Variants in WDR35 observed in about 807,000 individuals in gnomAD.
WDR35 encodes the protein WD repeat-containing protein 35.
Under a neutral mutation model 158.3 loss-of-function variants are expected in WDR35, and 118 were observed. The ratio of observed to expected loss-of-function variants is 0.75; its 90% confidence interval spans 0.64 to 0.87. The LOEUF (loss-of-function observed/expected upper bound fraction) is 0.87. Ranked by LOEUF, WDR35 falls within the 40% of genes least tolerant of loss-of-function variation. WDR35 has a pLI of 0.00. For synonymous variants in WDR35, 448 were observed against 476.1 expected (o/e 0.94, Z 0.77); for missense variants, 1,263 against 1,405.8 (o/e 0.90, Z 1.62).
chr2:19,959,430 A>T (rs1448316055), intron 11 of WDR35, among the ~76,000 whole-genome samples: 2 of 152,080 alleles, frequency 1.3e-5, no homozygotes, highest in Non-Finnish European at 2.9e-5. Flanking sequence ...GTCTGTTAAT[A>T]ATTTTAAGCT....
chr2:19,978,235 G>A (rs931377922), intron 5 of WDR35, among the ~76,000 whole-genome samples: 1 of 151,940 alleles, frequency 6.6e-6, no homozygotes, highest in Non-Finnish European at 1.5e-5. Context: ...GAGCGAGAGA[G>A]AGAAATAAAA....
intron 25 of WDR35, among the ~76,000 whole-genome samples, chr2:19,928,580 T>A (rs558080289): frequency 1.3e-5 from 2 of 152,314 alleles, no homozygotes; most frequent in African/African-American, 4.8e-5. Flanking sequence ...ATAACTTAGA[T>A]GTTATAATAA....
chr2:19,986,707 T>TCC (rs144681585), intron 2 of WDR35, among the ~76,000 whole-genome samples: 12,876 of 152,156 alleles, frequency 0.085, 633 homozygotes, highest in East Asian at 0.23. Context: ...GGAGATGGGC[T>TCC]CCAGCAAAAC....
chr2:19,982,825 A>G (rs750654850), intron 2 of WDR35, among the ~76,000 whole-genome samples: 22 of 152,212 alleles, frequency 1.4e-4, no homozygotes, highest in Non-Finnish European at 2.5e-4. Flanking sequence ...AGAAATATTT[A>G]TGGCCTACAG....
At chr2:19,956,594 G>T (rs1671440830) in intron 11 of WDR35, among the ~76,000 whole-genome samples, 1 of 151,252 alleles carries the variant, frequency 6.6e-6, no homozygotes, top group South Asian at 2.1e-4. Flanking sequence ...ACAGTGCCTG[G>T]CATAGAGTAC....
At position 19,946,506 on chromosome 2, in the gene WDR35, G is replaced by C; in HGVS notation, c.1589C>G (p.Ser530Cys). 6.2e-7 allele frequency: 1 copy of C among 1,613,632 alleles called. No individual in the cohort carries two copies. The highest frequency in any genetic ancestry group is 1.3e-5 in the African/African-American group (1 of 75,014). ...TAACTGGTAGGCTCGACAATTAAGGGAATATTTTTGAATCAAACCAACATT... is the reference window on the plus strand; with the variant it reads ...TAACTGGTAGGCTCGACAATTAAGGCAATATTTTTGAATCAAACCAACATT... Reference protein sequence around the residue: ...LPNVGLIQKYSLNCRAYQLSL... With the variant: ...LPNVGLIQKYCLNCRAYQLSL... The change falls in exon 15 of 27, where the codon TCC becomes TGC. Residue 530 changes from serine to cysteine, a missense_variant. Physicochemically the swap from Ser to Cys is moderately radical, Grantham distance 112. Coordinates refer to ENST00000281405, the MANE Select transcript of WDR35 (RefSeq NM_020779.4).
rs369793891 is a variant in WDR35, at chr2:19,932,380, T to C, written c.2726A>G (p.Tyr909Cys). 2.8e-5 allele frequency: 45 copies of C among 1,613,248 alleles called. No homozygotes were observed. Among genetic ancestry groups the C allele is most frequent in the Non-Finnish European group, 3.7e-5 (44 of 1,179,566 alleles). The change falls in exon 23 of 27, where the codon TAT becomes TGT. Residue 909 changes from tyrosine (Y) to cysteine (C), a missense_variant. Tyr to Cys is a radical substitution (Grantham distance 194, BLOSUM62 -2). Coordinates refer to ENST00000281405, the MANE Select transcript of WDR35 (RefSeq NM_020779.4). ...ATTCTTTTCCAGTAAATGAGATGCA[T>C]ACCTAGCTAACAGAGATCCAATTTC... ...MKEIGSLLAR[Y>C]ASHLLEKNKT...
intron 25 of WDR35, among the ~76,000 whole-genome samples, chr2:19,917,769 T>C (rs1417352712): frequency 2.0e-5 from 3 of 152,206 alleles, no homozygotes; most frequent in Non-Finnish European, 4.4e-5. Context: ...CTACGTTTGA[T>C]TGGTGTACCT....
At chr2:19,988,933 T>C (rs879154212) in intron 2 of WDR35, among the ~76,000 whole-genome samples, 1 of 152,230 alleles carries the variant, frequency 6.6e-6, no homozygotes, top group Non-Finnish European at 1.5e-5. Flanking sequence ...ATTTTCATTC[T>C]TCATTATTTT....
rs761037202 is a variant in WDR35 at position 19,931,251 on chromosome 2, T to C, written c.2964+18A>G. Reference sequence around the variant, plus strand: ...AAACACTTCCAATGATGTAATGTTATTTAACGTGCTACTTTACCTCTGAAC... The same window carrying C: ...AAACACTTCCAATGATGTAATGTTACTTAACGTGCTACTTTACCTCTGAAC... On this transcript the variant is annotated intron_variant, in intron 24 of 26. Transcript: ENST00000281405. 38 of 1,612,002 alleles carry C rather than the reference T, an allele frequency of 2.4e-5. No homozygotes were observed. The highest frequency in any genetic ancestry group is 3.1e-5 in the Non-Finnish European group (36 of 1,179,398).
At chr2:19,921,882 CAAAT>C (rs1236412849) in intron 25 of WDR35, among the ~76,000 whole-genome samples, 2 of 152,142 alleles carry the variant, frequency 1.3e-5, no homozygotes, top group Admixed American at 1.3e-4. Flanking sequence ...AAGAAAAAAA[CAAAT>C]AACTCCATCA....
At chr2:19,933,331 C>G in intron 22 of WDR35, 70 bp downstream of exon 22, 1 of 1,305,472 alleles carries the variant, frequency 7.7e-7, no homozygotes, top group South Asian at 1.2e-5. Flanking sequence ...ACTAGGGTGA[C>G]TTTAACCTTG....
At chr2:19,977,843 C>T (rs536246053) in intron 5 of WDR35, among the ~76,000 whole-genome samples, 6 of 152,142 alleles carry the variant, frequency 3.9e-5, no homozygotes, top group Non-Finnish European at 8.8e-5. Flanking sequence ...TTTTCAATGG[C>T]CCAAACATAG....
intron 3 of WDR35, among the ~76,000 whole-genome samples, chr2:19,981,697 T>G (rs1672387377): frequency 6.6e-6 from 1 of 152,058 alleles, no homozygotes; most frequent in African/African-American, 2.4e-5. Context: ...TTTTTTATTT[T>G]TTGTAGAAAC....
In WDR35 at chr2:19,966,778, A is replaced by G. The variant is rs202056608; in HGVS notation, c.1140T>C (p.Thr380=). The change falls in exon 10 of 27, where the codon ACT becomes ACC. Residue 380 remains threonine (T), a synonymous_variant. Transcript: ENST00000281405. ...CCAAAATGCAGAAATCTCCACAGGTAGTAATAGAAATGAGACCCTTCACAT... is the reference window on the plus strand; with the variant it reads ...CCAAAATGCAGAAATCTCCACAGGTGGTAATAGAAATGAGACCCTTCACAT... ...VKYVKGLISI[T]TCGDFCILAT... 3.1e-6 allele frequency: 5 copies of G among 1,614,056 alleles called. No homozygotes were observed. In the Admixed American group the frequency reaches 6.7e-5, roughly 22 times the overall value.
At chr2:19,964,252 T>C (rs1405904298) in intron 10 of WDR35, among the ~76,000 whole-genome samples, 3 of 152,188 alleles carry the variant, frequency 2.0e-5, no homozygotes. Flanking sequence ...TTTTATTCAC[T>C]GAGCTAGGCA....
chr2:19,963,181 A>G (rs1024216125), intron 10 of WDR35, among the ~76,000 whole-genome samples: 1 of 152,088 alleles, frequency 6.6e-6, no homozygotes, highest in African/African-American at 2.4e-5. Context: ...TCTATTTTTA[A>G]TACCATTTTG....
rs1409227554 is a variant in WDR35, at chr2:19,911,162, A to T, written c.*2396T>A. On this transcript the variant is annotated 3_prime_UTR_variant, in exon 27 of 27. Coordinates refer to ENST00000281405, the MANE Select transcript of WDR35 (RefSeq NM_020779.4). ...GGGAAATGAGAAGCCTCCAAAAGAG[A>T]GTTTCCAAAGTTAGGTGAAGTCTGA... 6.6e-6 allele frequency: 1 copy of T among 152,222 alleles called. No homozygotes were observed. The highest frequency in any genetic ancestry group is 1.5e-5 in the Non-Finnish European group (1 of 68,058). The allele number at this position is 152,222 out of a possible 1,614,324, so 9.4% of individuals were successfully genotyped here.
At chr2:19,989,394 T>C in intron 1 of WDR35, 112 bp from the exon 2 acceptor site, 1 of 984,930 alleles carries the variant, frequency 1.0e-6, no homozygotes, top group Non-Finnish European at 1.6e-6. Context: ...CGAACGGCCT[T>C]GCAGAAAAAA....
Sources: allele counts gnomAD v4.1 joint callset (sites outside exome capture counted in the v4.1 genomes callset), GRCh38; gene constraint gnomAD v4.1.1; transcripts MANE v1.5; gene names NCBI Gene and HGNC (gene_info 2026-07-23, HGNC 2026-07-21).